Variants in YAP1 observed in about 807,000 individuals in gnomAD.
The protein encoded by YAP1 is transcriptional coactivator YAP1.
In YAP1, 5 loss-of-function variants were observed where a neutral mutation model predicts 56.9. The ratio of observed to expected loss-of-function variants is 0.09; its 90% confidence interval spans 0.05 to 0.18. YAP1 has a LOEUF of 0.18. Among genes scored for constraint, YAP1 ranks in the 10% least tolerant of loss-of-function variants. The probability of loss-of-function intolerance (pLI) is 1.00; values close to 1 mark genes in which losing one functional copy is unlikely to be tolerated. For synonymous variants in YAP1, 265 were observed against 248.1 expected, an observed-to-expected ratio of 1.07 and a Z score of -0.64; for missense variants, 539 against 651.8, an observed-to-expected ratio of 0.83 and a Z score of 1.88.
chr11:102,148,428 A>AT (rs1945444179), intron 2 of YAP1, among the ~76,000 whole-genome samples: 1 of 152,198 alleles, frequency 6.6e-6, no homozygotes, highest in South Asian at 2.1e-4. Flanking sequence ...ACTGAAAAAA[A>AT]CAAGAGCTAT....
At chr11:102,130,053 A>G (rs895490064) in intron 2 of YAP1, among the ~76,000 whole-genome samples, 1 of 152,180 alleles carries the variant, frequency 6.6e-6, no homozygotes, top group Admixed American at 6.5e-5. Flanking sequence ...CTGGGATTAT[A>G]GGCGTGAGCC....
At chr11:102,138,866 G>T (rs982793518) in intron 2 of YAP1, among the ~76,000 whole-genome samples, 1 of 152,170 alleles carries the variant, frequency 6.6e-6, no homozygotes, top group African/African-American at 2.4e-5. Flanking sequence ...GCTTTAGGAT[G>T]ATTGTTATAT....
chr11:102,190,441 G>A (rs1258509163), intron 4 of YAP1, among the ~76,000 whole-genome samples: 1 of 152,004 alleles, frequency 6.6e-6, no homozygotes, highest in South Asian at 2.1e-4. Flanking sequence ...GACCAGCCTG[G>A]CCAACATAGT....
At chr11:102,213,875 C>A (rs574733366) in intron 6 of YAP1, among the ~76,000 whole-genome samples, 3 of 152,144 alleles carry the variant, frequency 2.0e-5, no homozygotes, top group African/African-American at 7.2e-5. Flanking sequence ...GTCAGAAGTC[C>A]GAGACCTGCC....
chr11:102,136,295 T>C (rs1480903130), intron 2 of YAP1, among the ~76,000 whole-genome samples: 4 of 152,136 alleles, frequency 2.6e-5, no homozygotes, highest in Non-Finnish European at 4.4e-5. Flanking sequence ...TCCTGTATGA[T>C]AACTGCTTGC....
In YAP1 at chr11:102,114,283, C is replaced by T. The variant is rs758900950; in HGVS notation, c.461C>T (p.Thr154Ile). The T allele has an allele frequency of 1.2e-6, 2 of 1,614,224 alleles. No homozygotes were observed. The highest frequency in any genetic ancestry group is 2.2e-5 in the South Asian group (2 of 91,082). Residue 154 changes from threonine to isoleucine, a missense_variant, in exon 2 of 9, where the codon ACA becomes ATA. Physicochemically the swap from Thr to Ile is moderately conservative, Grantham distance 89 (BLOSUM62 -1). Coordinates refer to ENST00000282441, the MANE Select transcript of YAP1 (RefSeq NM_001130145.3). The part of the protein sequence containing the change: ...PTGVVSGPAA[T>I]PTAQHLRQSS... ...GGAGTAGTCTCTGGCCCAGCAGCTA[C>T]ACCCACAGCTCAGCATCTTCGACAG...
intron 2 of YAP1, among the ~76,000 whole-genome samples, chr11:102,155,146 T>C (rs1945868649): frequency 6.6e-6 from 1 of 152,162 alleles, no homozygotes; most frequent in East Asian, 1.9e-4. Context: ...TCTACCACTG[T>C]CCTGCCCTCT....
intron 2 of YAP1, among the ~76,000 whole-genome samples, chr11:102,145,114 C>T (rs1217117920): frequency 6.6e-6 from 1 of 152,160 alleles, no homozygotes; most frequent in African/African-American, 2.4e-5. Context: ...GGAGTATTAG[C>T]AAGAGTTGTA....
At chr11:102,218,874 C>T (rs1013547395) in intron 6 of YAP1, among the ~76,000 whole-genome samples, 31 of 152,132 alleles carry the variant, frequency 2.0e-4, no homozygotes, top group African/African-American at 6.8e-4. Context: ...AAAAATTTCA[C>T]GGCTTTTAAC....
intron 5 of YAP1, among the ~76,000 whole-genome samples, chr11:102,208,432 G>A (rs1027134195): frequency 1.3e-5 from 2 of 152,166 alleles, no homozygotes; most frequent in African/African-American, 4.8e-5. Context: ...TTAGAGGGTA[G>A]AGGGGAAGTT....
chr11:102,185,733 A>C (rs1293248687), intron 3 of YAP1, among the ~76,000 whole-genome samples: 1 of 152,098 alleles, frequency 6.6e-6, no homozygotes, highest in Non-Finnish European at 1.5e-5. Context: ...TAACAGTAAT[A>C]GTAATTATTT....
At chr11:102,112,542 T>C in intron 1 of YAP1, 8 of 984,776 alleles carry the variant, frequency 8.1e-6, no homozygotes, top group Non-Finnish European at 9.6e-6. Flanking sequence ...ACTCGGGATG[T>C]AACTTGAGTG....
At chr11:102,145,294 C>G (rs1215528363) in intron 2 of YAP1, among the ~76,000 whole-genome samples, 2 of 152,046 alleles carry the variant, frequency 1.3e-5, no homozygotes, top group Non-Finnish European at 2.9e-5. Flanking sequence ...TAGAATCTCA[C>G]CAATTGTGTT....
Position 102,114,412 on chromosome 11 carries a change from T to C in YAP1, c.572+18T>C. The C allele has an allele frequency of 6.2e-7, 1 of 1,602,656 alleles. No individual in the cohort carries two copies. Among genetic ancestry groups the C allele is most frequent in the Non-Finnish European group, 8.5e-7 (1 of 1,170,332 alleles). On this transcript the variant is annotated intron_variant, in intron 2 of 8. Transcript: ENST00000282441. ...TTCTTAAAGTAAGTGAAAATAATGG[T>C]GGGAGACAGTTATCTAAGACAAATA...
intron 2 of YAP1, among the ~76,000 whole-genome samples, chr11:102,136,105 C>T (rs1409219111): frequency 6.6e-6 from 1 of 152,170 alleles, no homozygotes; most frequent in East Asian, 1.9e-4. Context: ...ATGTCCAGTG[C>T]ATGGTACTTT....
chr11:102,216,926 C>G (rs145312775), intron 6 of YAP1, among the ~76,000 whole-genome samples: 16 of 152,158 alleles, frequency 1.1e-4, no homozygotes, highest in Non-Finnish European at 1.3e-4. Context: ...CCATTTTCTT[C>G]TGTAATAATA....
At chr11:102,150,176 G>T (rs558340667) in intron 2 of YAP1, among the ~76,000 whole-genome samples, 2 of 151,880 alleles carry the variant, frequency 1.3e-5, no homozygotes, top group East Asian at 3.9e-4. Flanking sequence ...TAGAGACGAG[G>T]TTTCACCATG....
chr11:102,150,695 T>C (rs1481777468), intron 2 of YAP1, among the ~76,000 whole-genome samples: 1 of 152,172 alleles, frequency 6.6e-6, no homozygotes, highest in Non-Finnish European at 1.5e-5. Context: ...GCTTTAAACC[T>C]TAAAACATGT....
At chr11:102,151,030 A>T (rs111564786) in intron 2 of YAP1, among the ~76,000 whole-genome samples, 43 of 151,384 alleles carry the variant, frequency 2.8e-4, no homozygotes, top group African/African-American at 9.9e-4. Flanking sequence ...CAAATGCCTG[A>T]CCCCGTGGTT....
Sources: allele counts gnomAD v4.1 joint callset (sites outside exome capture counted in the v4.1 genomes callset), GRCh38; gene constraint gnomAD v4.1.1; transcripts MANE v1.5; gene names NCBI Gene and HGNC (gene_info 2026-07-23, HGNC 2026-07-21).